Variants in PTPRN2 observed in about 807,000 individuals in gnomAD.
PTPRN2 encodes receptor-type tyrosine-protein phosphatase N2.
In PTPRN2, 74 loss-of-function variants were observed where a neutral mutation model predicts 118.8. That is an observed-to-expected ratio of 0.62 (90% CI 0.52 to 0.76). PTPRN2 has a LOEUF of 0.76. Ranked by LOEUF, PTPRN2 falls within the 30% of genes least tolerant of loss-of-function variation. PTPRN2 has a pLI of 0.00. For missense variants in PTPRN2, 1,481 were observed against 1,394.4 expected (o/e 1.06, Z -0.99); for synonymous variants, 641 against 608.0 (o/e 1.05, Z -0.80).
intron 5 of PTPRN2, among the ~76,000 whole-genome samples, chr7:158,184,831 T>C (rs913439859): frequency 6.6e-5 from 10 of 152,058 alleles, no homozygotes; most frequent in African/African-American, 2.4e-4. Flanking sequence ...AAAAAAAAGA[T>C]CTTCAATGCA....
In PTPRN2 at chr7:157,874,796, TACACACAGAGACACACTCATGGACAC is replaced by T. The variant is rs1795623369; in HGVS notation, c.1788+23851_1788+23876del. On this transcript the variant is annotated intron_variant, in intron 12 of 22. Coordinates refer to ENST00000389418, the MANE Select transcript of PTPRN2 (RefSeq NM_002847.5). The surrounding 1 kb of genome is among the most constrained non-coding windows in gnomAD (Gnocchi z 5.8). Reference sequence around the variant, plus strand: ...ACACACGAACACACTCATACACATATACACACAGAGACACACTCATGGACACACACAGAGACACACTCATGCACATA... The same window carrying T: ...ACACACGAACACACTCATACACATATACACAGAGACACACTCATGCACATA... Among the ~76,000 whole-genome samples the T allele has an allele frequency of 7.1e-6, 1 of 140,858 alleles. No individual in the cohort carries two copies. The highest frequency in any genetic ancestry group is 2.3e-4 in the South Asian group (1 of 4,414). 92.4% of individuals were successfully genotyped at this position (140,858 alleles called of 152,430 possible).
chr7:157,839,035 G>A (rs1470195389), intron 12 of PTPRN2, among the ~76,000 whole-genome samples: 2 of 152,046 alleles, frequency 1.3e-5, no homozygotes, highest in Admixed American at 6.5e-5. Flanking sequence ...TGGATGGCAC[G>A]GGAGAAAGCT....
At position 157,874,085 on chromosome 7, in the gene PTPRN2, A is replaced by G. The variant is rs1795562778; in HGVS notation, c.1788+24588T>C. On this transcript the variant is annotated intron_variant, in intron 12 of 22. Coordinates refer to ENST00000389418, the MANE Select transcript of PTPRN2 (RefSeq NM_002847.5). The surrounding 1 kb of genome is among the most constrained non-coding windows in gnomAD (Gnocchi z 5.8). ...GCTCAGTGGTGGCACGTCACATCAC[A>G]CATCTTCAGACCAGGCCTTCTGCAA... Among the ~76,000 whole-genome samples the G allele has an allele frequency of 6.6e-6, 1 of 152,164 alleles. No homozygotes were observed. Among genetic ancestry groups the G allele is most frequent in the Non-Finnish European group, 1.5e-5 (1 of 68,034 alleles).
chr7:157,942,078 C>T (rs1472461472), intron 11 of PTPRN2, among the ~76,000 whole-genome samples: 1 of 150,570 alleles, frequency 6.6e-6, no homozygotes, highest in Non-Finnish European at 1.5e-5. Context: ...TGCACCTTCA[C>T]TCATGGGAGT....
chr7:158,262,014 C>A (rs753935911), intron 3 of PTPRN2, among the ~76,000 whole-genome samples: 1 of 152,160 alleles, frequency 6.6e-6, no homozygotes, highest in African/African-American at 2.4e-5. Flanking sequence ...CCACAGCCGC[C>A]CTGAGCCCCT....
At position 157,978,274 on chromosome 7, in the gene PTPRN2, C is replaced by T. The variant is rs576527018; in HGVS notation, c.1724-79537G>A. Among the ~76,000 whole-genome samples, 487 of 152,058 alleles carry T rather than the reference C, an allele frequency of 3.2e-3. 12 individuals are homozygous for T. The highest frequency in any genetic ancestry group is 6.0e-3 in the Non-Finnish European group (409 of 67,930). On this transcript the variant is annotated intron_variant, in intron 11 of 22. Coordinates refer to ENST00000389418, the MANE Select transcript of PTPRN2 (RefSeq NM_002847.5). ...TCAAACAGCTCCCGTGTGGTGCTGC[C>T]GCCATCTCCGCCGTCAGGAGTGGCT...
At chr7:158,317,086 C>A (rs1408972081) in intron 2 of PTPRN2, among the ~76,000 whole-genome samples, 154 bp from the exon 3 acceptor site, 1 of 152,184 alleles carries the variant, frequency 6.6e-6, no homozygotes. Context: ...CCCGGGAGCA[C>A]CCGGAGGATG....
intron 12 of PTPRN2, among the ~76,000 whole-genome samples, chr7:157,686,870 G>C (rs1797222559): frequency 6.6e-6 from 1 of 152,106 alleles, no homozygotes; most frequent in Non-Finnish European, 1.5e-5. Context: ...TGAGTTCTCA[G>C]AGGCAGGAAT....
intron 12 of PTPRN2, among the ~76,000 whole-genome samples, chr7:157,732,934 T>C (rs570253449): frequency 6.9e-4 from 3 of 4,360 alleles, no homozygotes; most frequent in Non-Finnish European, 3.7e-4. Context: ...TCCCGTCCCA[T>C]GCGCCCAGCA....
chr7:157,967,567 C>T (rs1253809386), intron 11 of PTPRN2, among the ~76,000 whole-genome samples: 1 of 152,074 alleles, frequency 6.6e-6, no homozygotes, highest in Non-Finnish European at 1.5e-5. Context: ...TGACTGTGGG[C>T]TGAGAGGGCT....
intron 12 of PTPRN2, among the ~76,000 whole-genome samples, chr7:157,815,771 C>T (rs1054158320): frequency 5.3e-5 from 8 of 152,260 alleles, no homozygotes; most frequent in East Asian, 1.9e-4. Context: ...TGAGCTGGGG[C>T]GCGCGCACAT....
rs1164897960 is a variant in PTPRN2 at position 158,022,552 on chromosome 7, G to A, written c.1723+58746C>T. On this transcript the variant is annotated intron_variant, in intron 11 of 22. Transcript: ENST00000389418. This position sits in a 1 kb window ranked among gnomAD's most constrained non-coding sequence, Gnocchi z 4.6. ...CAGCCCGTAATGTGTTCATAGCCAA[G>A]GCCCCGGCACCCGGGCACTCTGTCT... Among the ~76,000 whole-genome samples the A allele has an allele frequency of 6.7e-6, 1 of 149,604 alleles. No individual in the cohort carries two copies. The highest frequency in any genetic ancestry group is 2.0e-4 in the East Asian group (1 of 4,970).
intron 12 of PTPRN2, among the ~76,000 whole-genome samples, chr7:157,783,536 CT>C (rs1055999490): frequency 2.0e-5 from 3 of 148,898 alleles, no homozygotes; most frequent in African/African-American, 7.5e-5. Context: ...AGTCATCTTA[CT>C]AAGAACTCCA....
intron 11 of PTPRN2, among the ~76,000 whole-genome samples, chr7:158,051,360 G>A (rs1809313340): frequency 6.6e-6 from 1 of 152,206 alleles, no homozygotes; most frequent in Non-Finnish European, 1.5e-5. Flanking sequence ...AGGAAGCACA[G>A]CCCTCCCCTC....
At chr7:158,271,187 G>T (rs1798495098) in intron 3 of PTPRN2, among the ~76,000 whole-genome samples, 1 of 151,602 alleles carries the variant, frequency 6.6e-6, no homozygotes. Flanking sequence ...CTAGTGGGTG[G>T]CCAGGAGAGG....
intron 1 of PTPRN2, among the ~76,000 whole-genome samples, chr7:158,534,382 T>C (rs1825505519): frequency 6.6e-6 from 1 of 151,300 alleles, no homozygotes; most frequent in African/African-American, 2.4e-5. Context: ...CCGTCAGGGA[T>C]GGCTGTGGGT....
At chr7:158,351,725 C>T (rs550246422) in intron 2 of PTPRN2, among the ~76,000 whole-genome samples, 43 of 152,182 alleles carry the variant, frequency 2.8e-4, no homozygotes, top group Non-Finnish European at 5.3e-4. Flanking sequence ...CACGGCCCCA[C>T]GGGAGGAGCC....
Position 157,953,665 on chromosome 7 carries a change from A to T in PTPRN2, c.1724-54928T>A, listed in dbSNP as rs1800976518. Among the ~76,000 whole-genome samples the T allele has an allele frequency of 6.6e-6, 1 of 151,460 alleles. No homozygotes were observed. The highest frequency in any genetic ancestry group is 1.5e-5 in the Non-Finnish European group (1 of 67,880). The stretch of plus-strand genomic sequence containing the variant: ...ACACCTCACCCCTCACAGACATCTC[A>T]TTTTTTCAGAGCTGCATCATCAGAG... On this transcript the variant is annotated intron_variant, in intron 11 of 22. Transcript: ENST00000389418. The surrounding 1 kb of genome is among the most constrained non-coding windows in gnomAD (Gnocchi z 4.6).
At chr7:158,145,390 C>A (rs1819839728) in intron 6 of PTPRN2, among the ~76,000 whole-genome samples, 1 of 152,220 alleles carries the variant, frequency 6.6e-6, no homozygotes, top group African/African-American at 2.4e-5. Context: ...GAAGGGGCGG[C>A]AGTGCCCGGT....
Sources: gnomAD v4.1 joint callset for allele counts (sites outside exome capture counted in the v4.1 genomes callset) on GRCh38, gnomAD v4.1.1 for gene constraint, Gnocchi (gnomAD v3.1) non-coding constraint, MANE v1.5 for transcripts, NCBI Gene and HGNC (gene_info 2026-07-23, HGNC 2026-07-21) for gene names.